RASSF8: variants seen among roughly 807,000 people sequenced by gnomAD.
The protein encoded by RASSF8 is ras association domain-containing protein 8.
A neutral mutation model predicts 48.5 loss-of-function variants in RASSF8; 22 were observed. That is an observed-to-expected ratio of 0.45 (90% confidence interval 0.32 to 0.65). The LOEUF is 0.65. Ranked by LOEUF, RASSF8 falls within the 30% of genes least tolerant of loss-of-function variation. RASSF8 has a pLI of 0.03. For missense variants in RASSF8, 418 were observed against 489.2 expected, an observed-to-expected ratio of 0.85 and a Z score of 1.37; for synonymous variants, 127 against 171.5, an observed-to-expected ratio of 0.74 and a Z score of 2.03.
intron 1 of RASSF8, among the ~76,000 whole-genome samples, chr12:25,960,806 T>A (rs1941213848): frequency 6.6e-6 from 1 of 152,134 alleles, no homozygotes; most frequent in African/African-American, 2.4e-5. Flanking sequence ...TAGAGGGCCC[T>A]GAGAGGGAGC....
At chr12:25,981,162 T>A (rs1941733710) in intron 1 of RASSF8, among the ~76,000 whole-genome samples, 1 of 152,004 alleles carries the variant, frequency 6.6e-6, no homozygotes, top group Admixed American at 6.6e-5. Flanking sequence ...CCCCTTTGAC[T>A]CCACCAGGGA....
Position 26,050,028 on chromosome 12 carries a change from C to T in RASSF8, c.-108-5208C>T, listed in dbSNP as rs138749060. Among the ~76,000 whole-genome samples the T allele has an allele frequency of 3.7e-3, 560 of 152,204 alleles. 1 individual carries two copies. The highest frequency in any genetic ancestry group is 0.013 in the African/African-American group (531 of 41,514). Reference sequence around the variant, plus strand: ...TTGATCTCCAGACCTCGTGATCTGCCCGCCTCGGCCTCCCAAAGTGCTGGA... The same window carrying T: ...TTGATCTCCAGACCTCGTGATCTGCTCGCCTCGGCCTCCCAAAGTGCTGGA... On this transcript the variant is annotated intron_variant, in intron 2 of 5. Coordinates refer to ENST00000689635, the MANE Select transcript of RASSF8 (RefSeq NM_001394098.1).
Position 26,064,690 on chromosome 12 carries a change from G to A in RASSF8, c.296G>A (p.Arg99Lys). The change falls in exon 4 of 6, where the codon AGA becomes AAA. Residue 99 changes from arginine (R) to lysine (K), a missense_variant. Physicochemically the swap from Arg to Lys is conservative, Grantham distance 26. Coordinates refer to ENST00000689635, the MANE Select transcript of RASSF8 (RefSeq NM_001394098.1). ...TSDSVARIPERTLYRQSLPPL... is the reference protein window; with the variant it reads ...TSDSVARIPEKTLYRQSLPPL... ...GACAGTGTGGCTCGAATTCCTGAAA[G>A]AACTTTATACAGGCAGAGTCTGCCC... is the stretch of plus-strand genomic sequence containing the variant. 1 of 1,614,076 alleles carries A rather than the reference G, an allele frequency of 6.2e-7. No individual in the cohort carries two copies. Among genetic ancestry groups the A allele is most frequent in the Non-Finnish European group, 8.5e-7 (1 of 1,179,974 alleles).
intron 2 of RASSF8, among the ~76,000 whole-genome samples, chr12:26,005,938 A>G (rs1341709610): frequency 1.3e-5 from 2 of 152,208 alleles, no homozygotes; most frequent in African/African-American, 4.8e-5. Context: ...ATGGTTTTTC[A>G]TCTGTCTTTG....
chr12:26,050,530 G>A (rs561204726), intron 2 of RASSF8, among the ~76,000 whole-genome samples: 5 of 152,196 alleles, frequency 3.3e-5, no homozygotes, highest in Admixed American at 2.0e-4. Flanking sequence ...TAGTAGACTC[G>A]GGATTTGAAC....
At chr12:26,027,734 G>T (rs1942946252) in intron 2 of RASSF8, among the ~76,000 whole-genome samples, 2 of 152,198 alleles carry the variant, frequency 1.3e-5, no homozygotes, top group East Asian at 3.8e-4. Flanking sequence ...TATGTGTTAG[G>T]CACATCAACA....
chr12:26,070,650 A>T lies in RASSF8; in HGVS notation c.*1832A>T, dbSNP rs2271481. 0.014 allele frequency: 13,291 copies of T among 948,800 alleles called. 1,014 individuals carry two copies. The East Asian group carries it at 0.29, about 20-fold the overall frequency. 58.8% of individuals were successfully genotyped at this position (948,800 alleles called of 1,614,324 possible). On this transcript the variant is annotated 3_prime_UTR_variant, in exon 6 of 6. Coordinates refer to ENST00000689635, the MANE Select transcript of RASSF8 (RefSeq NM_001394098.1). ...AAAAATAATTTATAGATTTTGTGAC[A>T]GTAATGATTTACATATGCCCAATAT...
intron 2 of RASSF8, among the ~76,000 whole-genome samples, chr12:26,011,237 A>C (rs1380486074): frequency 6.6e-6 from 1 of 152,196 alleles, no homozygotes; most frequent in Non-Finnish European, 1.5e-5. Context: ...AGTTCTGCCT[A>C]AGAACTGAGT....
chr12:25,999,513 T>C (rs543023114), intron 2 of RASSF8, among the ~76,000 whole-genome samples: 1 of 152,228 alleles, frequency 6.6e-6, no homozygotes, highest in South Asian at 2.1e-4. Flanking sequence ...TTTGGGAGGC[T>C]GAGGCAGGAG....
At position 26,065,272 on chromosome 12, in the gene RASSF8, G is replaced by C. The variant is rs368076388; in HGVS notation, c.878G>C (p.Gly293Ala). 1 of 1,614,172 alleles carries C rather than the reference G, an allele frequency of 6.2e-7. No individual in the cohort carries two copies. Among genetic ancestry groups the C allele is most frequent in the Non-Finnish European group, 8.5e-7 (1 of 1,180,016 alleles). ...CAGGTCAATGAGGAAGAGGTTAAAG[G>C]AAAGATCGGTAAGGTCAAAGGGGAG... ...EAQVNEEEVK[G>A]KIGKVKGEID... Residue 293 changes from glycine to alanine, a missense_variant, in exon 4 of 6, where the codon GGA (glycine) becomes GCA (alanine). Coordinates refer to ENST00000689635, the MANE Select transcript of RASSF8 (RefSeq NM_001394098.1).
chr12:26,075,042 C>T (rs1038418849), downstream of RASSF8, among the ~76,000 whole-genome samples: 4 of 152,198 alleles, frequency 2.6e-5, no homozygotes, highest in African/African-American at 9.7e-5. Context: ...AGAAAGACTA[C>T]TTAAGAGGCC....
At chr12:25,965,363 C>CTTTTT (rs11420016) in intron 1 of RASSF8, among the ~76,000 whole-genome samples, 6 of 116,872 alleles carry the variant, frequency 5.1e-5, no homozygotes, top group Admixed American at 9.7e-5. Context: ...TCCCAAATTT[C>CTTTTT]TTTTTTTTTT....
At chr12:25,981,373 C>T (rs143254090) in intron 1 of RASSF8, among the ~76,000 whole-genome samples, 1 of 152,226 alleles carries the variant, frequency 6.6e-6, no homozygotes, top group Non-Finnish European at 1.5e-5. Context: ...GGTAACCTTC[C>T]CTCAACCCAA....
At chr12:26,019,454 T>A (rs1326225409) in intron 2 of RASSF8, among the ~76,000 whole-genome samples, 3 of 152,132 alleles carry the variant, frequency 2.0e-5, no homozygotes, top group Admixed American at 6.5e-5. Context: ...TTACAGCCAT[T>A]AAAATAACTG....
At chr12:25,978,626 G>A (rs1592225707) in intron 1 of RASSF8, among the ~76,000 whole-genome samples, 1 of 152,038 alleles carries the variant, frequency 6.6e-6, no homozygotes, top group Non-Finnish European at 1.5e-5. Flanking sequence ...AGCATGGGAG[G>A]CACTCATTAA....
chr12:25,980,054 A>G (rs1941703063), intron 1 of RASSF8, among the ~76,000 whole-genome samples: 1 of 152,222 alleles, frequency 6.6e-6, no homozygotes, highest in Admixed American at 6.5e-5. Context: ...TAGGCATGAG[A>G]AACTAGCTCC....
At chr12:25,995,993 T>G (rs1942124091) in intron 2 of RASSF8, among the ~76,000 whole-genome samples, 1 of 152,180 alleles carries the variant, frequency 6.6e-6, no homozygotes, top group South Asian at 2.1e-4. Context: ...AATAAAAAAC[T>G]TTAACTTCAC....
rs953718654 is a variant in RASSF8 at position 26,071,023 on chromosome 12, G to C, written c.*2205G>C. 1.8e-5 allele frequency: 18 copies of C among 985,064 alleles called. No homozygotes were observed. The highest frequency in any genetic ancestry group is 2.0e-5 in the Non-Finnish European group (17 of 829,770). The allele number at this position is 985,064 out of a possible 1,614,324, so 61.0% of individuals were successfully genotyped here. ...ACAACTTCATCAGAATTTCCAAGCT[G>C]CCAAATAATCTTCATAGACCTAATT... On this transcript the variant is annotated 3_prime_UTR_variant, in exon 6 of 6. Transcript: ENST00000689635.
intron 1 of RASSF8, among the ~76,000 whole-genome samples, chr12:25,994,397 G>A (rs559755391): frequency 3.3e-5 from 5 of 152,228 alleles, no homozygotes; most frequent in Admixed American, 1.3e-4. Flanking sequence ...TATGAATTGC[G>A]TCAATTCCCA....
Sources: gnomAD v4.1 joint callset for allele counts (sites outside exome capture counted in the v4.1 genomes callset) on GRCh38, gnomAD v4.1.1 for gene constraint, MANE v1.5 for transcripts, NCBI Gene and HGNC (gene_info 2026-07-23, HGNC 2026-07-21) for gene names.